HMCN1: variants seen among roughly 807,000 people sequenced by gnomAD.
The protein encoded by HMCN1 is hemicentin 1, also known as hemicentin-1.
A neutral mutation model predicts 625.9 loss-of-function variants in HMCN1; 321 were observed. The observed-to-expected ratio is 0.51, with a 90% CI of 0.47 to 0.56. The LOEUF (loss-of-function observed/expected upper bound fraction) is 0.56. Among genes scored for constraint, HMCN1 ranks in the 20% least tolerant of loss-of-function variants. The pLI, the probability that HMCN1 is intolerant of heterozygous loss-of-function variation, is 0.00. For synonymous variants in HMCN1, 2,425 were observed against 2,417.6 expected (o/e 1.00, Z -0.09); for missense variants, 6,588 against 6,887.3 (o/e 0.96, Z 1.54).
intron 28 of HMCN1, 108 bp downstream of exon 28, chr1:186,001,849 C>T (rs1318070195): frequency 2.2e-6 from 2 of 925,134 alleles, no homozygotes; most frequent in Non-Finnish European, 3.4e-6. Context: ...GACAGAAAAA[C>T]TATAGTTTCA....
chr1:186,117,192 C>G, intron 76 of HMCN1, 77 bp downstream of exon 76: 1 of 1,570,230 alleles, frequency 6.4e-7, no homozygotes, highest in South Asian at 1.2e-5. Context: ...CAAAAGGGAT[C>G]CCTTTTCTTT....
chr1:185,838,853 T>C (rs1661321976), intron 1 of HMCN1, among the ~76,000 whole-genome samples: 1 of 152,208 alleles, frequency 6.6e-6, no homozygotes, highest in South Asian at 2.1e-4. Context: ...TGAACTCTGC[T>C]AAGTATGTAT....
chr1:186,132,409 A>C lies in HMCN1; in HGVS notation c.13312A>C (p.Ser4438Arg). The C allele has an allele frequency of 1.2e-6, 2 of 1,606,812 alleles. No homozygotes were observed. The highest frequency in any genetic ancestry group is 1.7e-6 in the Non-Finnish European group (2 of 1,175,280). The change falls in exon 86 of 107, where the codon AGT (serine) becomes CGT (arginine). Residue 4438 changes from serine to arginine, a missense_variant and splice_region_variant. By Grantham distance (110) the Ser-to-Arg change is moderately radical. Coordinates refer to ENST00000271588, the MANE Select transcript of HMCN1 (RefSeq NM_031935.3). ...VERSMSLTLQ[S>R]PPIITLEPVE... is the part of the protein sequence containing the mutation. ...GCGCAGCATGAGTCTGACTCTGCAAAGTAAGCTGCTTAATGAAACTAATTA... is the reference window on the plus strand; with the variant it reads ...GCGCAGCATGAGTCTGACTCTGCAACGTAAGCTGCTTAATGAAACTAATTA...
intron 4 of HMCN1, among the ~76,000 whole-genome samples, chr1:185,868,023 C>T (rs1328115485): frequency 1.3e-5 from 2 of 151,670 alleles, no homozygotes; most frequent in African/African-American, 2.4e-5. Flanking sequence ...GAGCTGAGAC[C>T]ACACCACCGC....
At chr1:186,056,391 T>C (rs1189105854) in intron 45 of HMCN1, among the ~76,000 whole-genome samples, 2 of 152,034 alleles carry the variant, frequency 1.3e-5, no homozygotes, top group African/African-American at 2.4e-5. Flanking sequence ...AATTAGATGA[T>C]TGATTTTTTA....
chr1:185,922,108 A>G (rs888983409), intron 6 of HMCN1, among the ~76,000 whole-genome samples: 2 of 152,192 alleles, frequency 1.3e-5, no homozygotes, highest in African/African-American at 4.8e-5. Context: ...TTTCCAGCCC[A>G]TTCACTAGTG....
chr1:186,004,769 A>G (rs1340616734), intron 29 of HMCN1, among the ~76,000 whole-genome samples: 1 of 152,114 alleles, frequency 6.6e-6, no homozygotes, highest in Non-Finnish European at 1.5e-5. Context: ...TATCCAGGAG[A>G]TGGAAGTAGT....
chr1:186,140,080 T>TA (rs1649857484), intron 89 of HMCN1, among the ~76,000 whole-genome samples: 1 of 152,196 alleles, frequency 6.6e-6, no homozygotes, highest in Non-Finnish European at 1.5e-5. Context: ...ACAAGGACAT[T>TA]CTCTTTCATG....
chr1:185,787,699 G>A (rs1292410604), intron 1 of HMCN1, among the ~76,000 whole-genome samples: 11 of 152,158 alleles, frequency 7.2e-5, no homozygotes, highest in Admixed American at 6.5e-4. Flanking sequence ...GTGTATCTCA[G>A]GGTATAAAGA....
intron 15 of HMCN1, among the ~76,000 whole-genome samples, chr1:185,973,046 T>C (rs1650940099): frequency 6.6e-6 from 1 of 152,108 alleles, no homozygotes; most frequent in African/African-American, 2.4e-5. Flanking sequence ...ACTTATGTAG[T>C]GGTTAAGTAA....
At chr1:185,944,759 A>G (rs530217153) in intron 11 of HMCN1, among the ~76,000 whole-genome samples, 1 of 152,330 alleles carries the variant, frequency 6.6e-6, no homozygotes, top group African/African-American at 2.4e-5. Flanking sequence ...CCATTAAGTC[A>G]GAGCTAGATT....
At position 186,034,108 on chromosome 1, in the gene HMCN1, G is replaced by A. The variant is rs559133391; in HGVS notation, c.5750-3826G>A. Among the ~76,000 whole-genome samples, 30 of 152,284 alleles carry A rather than the reference G, an allele frequency of 2.0e-4. 1 individual carries two copies. In the South Asian group the frequency reaches 6.2e-3, roughly 32 times the overall value. ...TGTAATCATAAGGATTATTAAATGT[G>A]GGAAAGGGAAGCAGCATATCAGAGT... is the stretch of plus-strand genomic sequence containing the variant. On this transcript the variant is annotated intron_variant, in intron 36 of 106. Coordinates refer to ENST00000271588, the MANE Select transcript of HMCN1 (RefSeq NM_031935.3).
intron 1 of HMCN1, among the ~76,000 whole-genome samples, chr1:185,804,284 A>G (rs181254745): frequency 2.8e-4 from 42 of 152,200 alleles, no homozygotes; most frequent in African/African-American, 9.9e-4. Flanking sequence ...CTTAATTTGT[A>G]TGTCTGCTTA....
Position 186,015,165 on chromosome 1 carries a change from C to G in HMCN1, c.4637C>G (p.Pro1546Arg). The change falls in exon 31 of 107, where the codon CCT (proline) becomes CGT (arginine). Residue 1546 changes from proline (P) to arginine (R), a missense_variant. Transcript: ENST00000271588. The stretch of plus-strand genomic sequence containing the variant: ...GTTCTGAAATCCTTTGTAGTTCCAC[C>G]TAGTATTAAAGGAGGAAATGTCACC... The part of the protein sequence containing the change: ...KDIKLTIYIP[P>R]SIKGGNVTTD... 6.2e-7 allele frequency: 1 copy of G among 1,613,192 alleles called. No individual in the cohort carries two copies. The highest frequency in any genetic ancestry group is 8.5e-7 in the Non-Finnish European group (1 of 1,179,374).
rs753910242 is a variant in HMCN1 at position 186,189,552 on chromosome 1, G to T, written c.16582G>T (p.Ala5528Ser). 6.2e-7 allele frequency: 1 copy of T among 1,613,598 alleles called. No individual in the cohort carries two copies. Among genetic ancestry groups the T allele is most frequent in the Admixed American group, 1.7e-5 (1 of 60,004 alleles). ...CTGTCCACCCAATGATTTGGAATGTGCCTTGAGCCCATATGCCTTGGAATA... is the reference window on the plus strand; with the variant it reads ...CTGTCCACCCAATGATTTGGAATGTTCCTTGAGCCCATATGCCTTGGAATA... ...KNCPPNDLEC[A>S]LSPYALEYKL... is the part of the protein sequence containing the mutation. The change falls in exon 107 of 107, where the codon GCC becomes TCC. Residue 5528 changes from alanine (A) to serine (S), a missense_variant. Around this residue, in one of 3 missense-constraint regions of HMCN1, gnomAD observed 1,954 missense variants for 2,013.1 expected, o/e 0.97. Coordinates refer to ENST00000271588, the MANE Select transcript of HMCN1 (RefSeq NM_031935.3).
Position 185,990,312 on chromosome 1 carries a change from C to T in HMCN1, c.3246C>T (p.Ser1082=). The T allele has an allele frequency of 6.2e-7, 1 of 1,613,872 alleles. No individual in the cohort carries two copies. Among genetic ancestry groups the T allele is most frequent in the Non-Finnish European group, 8.5e-7 (1 of 1,179,868 alleles). Reference sequence around the variant, plus strand: ...TGTTTGGAGATCAACGAGGACTGTCCCAGGATAAGCCTGTTGAGATCTCCG... The same window carrying T: ...TGTTTGGAGATCAACGAGGACTGTCTCAGGATAAGCCTGTTGAGATCTCCG... ...PRVFGDQRGL[S]QDKPVEISVL... Residue 1082 remains serine, a synonymous_variant, in exon 22 of 107, where the codon TCC becomes TCT. Coordinates refer to ENST00000271588, the MANE Select transcript of HMCN1 (RefSeq NM_031935.3).
intron 1 of HMCN1, among the ~76,000 whole-genome samples, chr1:185,844,948 G>A (rs1160226708): frequency 6.6e-6 from 1 of 152,128 alleles, no homozygotes; most frequent in Non-Finnish European, 1.5e-5. Flanking sequence ...ATGATATCTG[G>A]GATCCTTTTA....
intron 90 of HMCN1, 29 bp downstream of exon 90, chr1:186,144,372 A>G (rs950918503): frequency 2.5e-6 from 4 of 1,608,956 alleles, no homozygotes; most frequent in Non-Finnish European, 1.7e-6. Context: ...TTATACCTTA[A>G]TAAATTAACA....
intron 1 of HMCN1, among the ~76,000 whole-genome samples, chr1:185,833,937 C>A (rs58449767): frequency 0.057 from 8,628 of 151,928 alleles, 831 homozygotes; most frequent in African/African-American, 0.19. Flanking sequence ...ATACATAAAC[C>A]CACTTATATT....
Sources: gnomAD v4.1 joint callset for allele counts (sites outside exome capture counted in the v4.1 genomes callset) on GRCh38, gnomAD v4.1.1 for gene constraint, gnomAD v4.1.1 regional missense constraint, MANE v1.5 for transcripts, NCBI Gene and HGNC (gene_info 2026-07-23, HGNC 2026-07-21) for gene names.